The following PISD variants were observed in gnomAD, a reference collection of about 807,000 sequenced individuals.
PISD encodes phosphatidylserine decarboxylase, also known as phosphatidylserine decarboxylase proenzyme, mitochondrial.
In PISD, 31 loss-of-function variants were observed where a neutral mutation model predicts 43.5. The observed-to-expected ratio is 0.71, with a 90% CI of 0.54 to 0.96. The LOEUF is 0.96. Among genes scored for constraint, PISD ranks in the 40% least tolerant of loss-of-function variants. The pLI is 0.00. For missense variants in PISD, 523 were observed against 548.4 expected (o/e 0.95, Z 0.46); for synonymous variants, 259 against 228.7 (o/e 1.13, Z -1.20).
intron 3 of PISD, among the ~76,000 whole-genome samples, chr22:31,645,606 G>T (rs1460065156): frequency 7.6e-5 from 11 of 144,476 alleles, no homozygotes; most frequent in African/African-American, 2.8e-4. Context: ...TCGAACTCCT[G>T]ACCTCAGGTG....
At chr22:31,662,523 T>C, upstream of PISD, 1 of 433,862 alleles carries the variant, frequency 2.3e-6, no homozygotes, top group Non-Finnish European at 4.4e-6. Context: ...TCGTTTCAAG[T>C]GATCGAACTT....
intron 3 of PISD, among the ~76,000 whole-genome samples, chr22:31,634,020 GCAGGCTCTC>G (rs1603404109): frequency 1.2e-4 from 19 of 152,290 alleles, no homozygotes; most frequent in East Asian, 9.7e-4. Flanking sequence ...GTGAGGCTCT[GCAGGCTCTC>G]AGGCCACCTG....
intron 4 of PISD, 75 bp from the exon 5 acceptor site, chr22:31,621,547 T>C: frequency 6.2e-7 from 1 of 1,601,796 alleles, no homozygotes; most frequent in Non-Finnish European, 8.5e-7. Flanking sequence ...CCACCTCCCC[T>C]TGTCATCCTG....
At chr22:31,629,327 C>T (rs1454557480) in intron 3 of PISD, 6 of 561,744 alleles carry the variant, frequency 1.1e-5, no homozygotes, top group Non-Finnish European at 1.4e-5. Flanking sequence ...TGTATAGGTG[C>T]GAGGATGTGT....
At chr22:31,656,313 C>T (rs1283120234) in intron 1 of PISD, among the ~76,000 whole-genome samples, 1 of 151,828 alleles carries the variant, frequency 6.6e-6, no homozygotes, top group Non-Finnish European at 1.5e-5. Flanking sequence ...CACTGCACTC[C>T]AGCCTGGGCA....
chr22:31,649,705 C>G (rs1278462171), intron 2 of PISD, among the ~76,000 whole-genome samples: 4 of 152,094 alleles, frequency 2.6e-5, no homozygotes, highest in Non-Finnish European at 5.9e-5. Context: ...TGCACTCAGC[C>G]TGGGCGACAG....
intron 3 of PISD, chr22:31,623,740 GGAGGTAGTA>G (rs2072714677): frequency 6.2e-7 from 1 of 1,614,088 alleles, no homozygotes; most frequent in Admixed American, 1.7e-5. Flanking sequence ...CCGAAGGGCA[GGAGGTAGTA>G]GAGGACGGTC....
At chr22:31,656,547 G>T (rs1340962837) in intron 1 of PISD, among the ~76,000 whole-genome samples, 1 of 151,596 alleles carries the variant, frequency 6.6e-6, no homozygotes, top group Non-Finnish European at 1.5e-5. Flanking sequence ...TACTCAGGAC[G>T]CTGAGGCAGA....
In PISD at chr22:31,650,774, G is replaced by C; in HGVS notation, c.70C>G (p.His24Asp). ...CTCAGGGCAGTGATCTCACAGGGAT[G>C]GAGGCTATAACCAAGCAAAAATGAA... ...HGVAPWRSSL[H>D]PCEITALSQS... The change falls in exon 2 of 8, where the codon CAT becomes GAT. Residue 24 changes from histidine to aspartate, a missense_variant. By Grantham distance (81) the His-to-Asp change is moderately conservative. Coordinates refer to ENST00000439502, the MANE Select transcript of PISD (RefSeq NM_001326411.2). 1 of 1,548,196 alleles carries C rather than the reference G, an allele frequency of 6.5e-7. No homozygotes were observed. The highest frequency in any genetic ancestry group is 8.7e-7 in the Non-Finnish European group (1 of 1,144,532).
chr22:31,627,445 A>G (rs2072969205), intron 3 of PISD, among the ~76,000 whole-genome samples: 1 of 152,220 alleles, frequency 6.6e-6, no homozygotes, highest in Non-Finnish European at 1.5e-5. Flanking sequence ...CTCCGCCAAC[A>G]TACTGAGCAA....
At chr22:31,644,827 G>A (rs1212551345) in intron 3 of PISD, among the ~76,000 whole-genome samples, 1 of 152,126 alleles carries the variant, frequency 6.6e-6, no homozygotes, top group Non-Finnish European at 1.5e-5. Flanking sequence ...ACAGGTCACA[G>A]TCAAAACTTT....
At chr22:31,628,217 G>C (rs2073013529) in intron 3 of PISD, 7 of 984,878 alleles carry the variant, frequency 7.1e-6, no homozygotes, top group Non-Finnish European at 8.4e-6. Flanking sequence ...AGAGCTGCAG[G>C]ATGGAGAGAA....
intron 3 of PISD, among the ~76,000 whole-genome samples, chr22:31,624,654 G>GACACAC (rs769817542): frequency 7.5e-6 from 1 of 132,660 alleles, no homozygotes; most frequent in African/African-American, 2.7e-5. Context: ...TGCACAGACA[G>GACACAC]ACACACACAC....
At chr22:31,632,711 T>C (rs1031376948) in intron 3 of PISD, among the ~76,000 whole-genome samples, 1 of 152,232 alleles carries the variant, frequency 6.6e-6, no homozygotes, top group Admixed American at 6.5e-5. Context: ...GCCCATCGGA[T>C]AGGGGACCAC....
intron 3 of PISD, 26 bp downstream of exon 3, chr22:31,648,075 C>G: frequency 6.3e-7 from 1 of 1,595,002 alleles, no homozygotes; most frequent in Non-Finnish European, 8.5e-7. Flanking sequence ...GGACGAGAAC[C>G]CAAGGCAGTT....
chr22:31,637,143 T>TA (rs1170100945), intron 3 of PISD, among the ~76,000 whole-genome samples: 47 of 31,602 alleles, frequency 1.5e-3, no homozygotes, highest in Non-Finnish European at 2.2e-3. Flanking sequence ...ATAAATAAAT[T>TA]AAAAAAAAAA....
At chr22:31,638,046 G>C (rs970589192) in intron 3 of PISD, among the ~76,000 whole-genome samples, 9 of 152,224 alleles carry the variant, frequency 5.9e-5, no homozygotes, top group African/African-American at 1.7e-4. Flanking sequence ...CTCGGGCCAG[G>C]CCCTCTGTCC....
rs763188379 is a variant in PISD at position 31,621,656 on chromosome 22, T to G, written c.551A>C (p.His184Pro). The change falls in exon 4 of 8, where the codon CAC (histidine) becomes CCC (proline). Residue 184 changes from histidine (H) to proline (P), a missense_variant. Transcript: ENST00000439502. ...KPQARPVCGL[H>P]SVISPSDGRI... is the part of the protein sequence containing the mutation. ...GAAAGGGTCAGGCCTCACCACGCTG[T>G]GCAGGCCACAGACAGGCCGGGCCTG... 5.0e-6 allele frequency: 8 copies of G among 1,612,604 alleles called. No homozygotes were observed. Among genetic ancestry groups the G allele is most frequent in the Non-Finnish European group, 6.8e-6 (8 of 1,179,028 alleles).
In PISD at chr22:31,662,125, T is replaced by G; in HGVS notation, c.65+19A>C. 6.2e-7 allele frequency: 1 copy of G among 1,605,432 alleles called. No homozygotes were observed. The highest frequency in any genetic ancestry group is 1.1e-5 in the South Asian group (1 of 91,042). On this transcript the variant is annotated intron_variant, in intron 1 of 7. Coordinates refer to ENST00000439502, the MANE Select transcript of PISD (RefSeq NM_001326411.2). Reference sequence around the variant, plus strand: ...CAGGTTGCCCCACGCCCCAAGGTAGTCTCTCCGCGCTGCTATACCTGCTCC... The same window carrying G: ...CAGGTTGCCCCACGCCCCAAGGTAGGCTCTCCGCGCTGCTATACCTGCTCC...
Sources: allele counts gnomAD v4.1 joint callset (sites outside exome capture counted in the v4.1 genomes callset), GRCh38; gene constraint gnomAD v4.1.1; transcripts MANE v1.5; gene names NCBI Gene and HGNC (gene_info 2026-07-23, HGNC 2026-07-21).